TBC1D15: variants seen among roughly 807,000 people sequenced by gnomAD.
TBC1D15 encodes the protein GAP for RAB7.
Under a neutral mutation model 95.4 loss-of-function variants are expected in TBC1D15, and 39 were observed. The observed-to-expected ratio is 0.41, with a 90% CI of 0.32 to 0.53. The LOEUF (loss-of-function observed/expected upper bound fraction) is 0.53. TBC1D15 is among the 20% of genes least tolerant of loss of function. The pLI is 0.29. For missense variants in TBC1D15, 733 were observed against 794.3 expected, an observed-to-expected ratio of 0.92 and a Z score of 0.93; for synonymous variants, 258 against 261.3, an observed-to-expected ratio of 0.99 and a Z score of 0.12.
At chr12:71,864,072 T>C (rs1017764222) in intron 1 of TBC1D15, among the ~76,000 whole-genome samples, 8 of 152,142 alleles carry the variant, frequency 5.3e-5, no homozygotes, top group African/African-American at 1.7e-4. Context: ...TCCTATTTTC[T>C]TGCTTTTTTT....
In TBC1D15 at chr12:71,920,851, GTTA is replaced by G. The variant is rs1189522774; in HGVS notation, c.1716+7_1716+9del. 1 of 1,591,548 alleles carries G rather than the reference GTTA, an allele frequency of 6.3e-7. No homozygotes were observed. The highest frequency in any genetic ancestry group is 1.4e-5 in the African/African-American group (1 of 74,064). On this transcript the variant is annotated splice_donor_5th_base_variant and intron_variant, in intron 15 of 16. Transcript: ENST00000485960. Reference sequence around the variant, plus strand: ...TGGCTTCAATGAAATACTTAAGGTAGTTATTCCTTTAATTCAGATTTTAGTGTT... The same window carrying G: ...TGGCTTCAATGAAATACTTAAGGTAGTTCCTTTAATTCAGATTTTAGTGTT...
intron 1 of TBC1D15, among the ~76,000 whole-genome samples, chr12:71,852,604 A>G (rs1301627524): frequency 6.6e-6 from 1 of 152,238 alleles, no homozygotes; most frequent in Admixed American, 6.5e-5. Flanking sequence ...TGTTAGAAAC[A>G]GCCAGGCCAC....
chr12:71,862,533 A>C (rs1890607491), intron 1 of TBC1D15, among the ~76,000 whole-genome samples: 1 of 152,200 alleles, frequency 6.6e-6, no homozygotes, highest in Admixed American at 6.5e-5. Flanking sequence ...AGGTGTCTTT[A>C]CAGATGAAGT....
intron 1 of TBC1D15, among the ~76,000 whole-genome samples, chr12:71,846,298 GAATA>G (rs1168141985): frequency 6.7e-6 from 1 of 150,032 alleles, no homozygotes; most frequent in Admixed American, 6.6e-5. Flanking sequence ...AAATATTTAA[GAATA>G]AATAAGAGCC....
intron 1 of TBC1D15, among the ~76,000 whole-genome samples, chr12:71,859,384 C>G (rs1386696821): frequency 6.6e-6 from 1 of 152,000 alleles, no homozygotes; most frequent in African/African-American, 2.4e-5. Flanking sequence ...TATTTTCTCC[C>G]ATTCTATAGG....
chr12:71,854,631 T>C (rs773647829), intron 1 of TBC1D15: 4 of 456,728 alleles, frequency 8.8e-6, no homozygotes, highest in Non-Finnish European at 1.8e-5. Flanking sequence ...TGCCAGTAGA[T>C]GTTTGGATAG....
At chr12:71,871,069 A>C (rs1892568819) in intron 1 of TBC1D15, among the ~76,000 whole-genome samples, 1 of 152,198 alleles carries the variant, frequency 6.6e-6, no homozygotes, top group Non-Finnish European at 1.5e-5. Context: ...ATAATTAAAA[A>C]AATTTTTAAA....
intron 14 of TBC1D15, 109 bp downstream of exon 14, chr12:71,918,657 G>A: frequency 1.5e-6 from 1 of 680,598 alleles, no homozygotes; most frequent in Non-Finnish European, 2.3e-6. Flanking sequence ...TCTAAGGCAA[G>A]TATGTTCCAA....
intron 6 of TBC1D15, chr12:71,894,296 AC>A (rs1566027643): frequency 6.2e-7 from 1 of 1,608,240 alleles, no homozygotes; most frequent in South Asian, 1.1e-5. Context: ...GGTGGTACAC[AC>A]TTCAAGAAAT....
chr12:71,853,143 T>A (rs1370995431), intron 1 of TBC1D15, among the ~76,000 whole-genome samples: 1 of 152,144 alleles, frequency 6.6e-6, no homozygotes, highest in Admixed American at 6.5e-5. Context: ...TAGGGAGGAC[T>A]CAGGAAACTT....
chr12:71,903,753 A>G (rs1229401632), intron 10 of TBC1D15, among the ~76,000 whole-genome samples: 1 of 152,248 alleles, frequency 6.6e-6, no homozygotes, highest in Admixed American at 6.5e-5. Flanking sequence ...AAGTGAATTA[A>G]TGCAGAAAAC....
intron 11 of TBC1D15, among the ~76,000 whole-genome samples, chr12:71,909,750 C>T (rs931912732): frequency 2.6e-5 from 4 of 152,202 alleles, no homozygotes; most frequent in South Asian, 2.1e-4. Context: ...ACTGCCTACA[C>T]TGAAACAAAT....
chr12:71,872,840 C>A (rs953360173), intron 2 of TBC1D15, 89 bp from the exon 3 acceptor site: 3 of 872,400 alleles, frequency 3.4e-6, no homozygotes, highest in Admixed American at 2.6e-5. Context: ...ATTTAAGAGG[C>A]TGAAATTTTA....
chr12:71,868,505 C>A (rs1891978905), intron 1 of TBC1D15, among the ~76,000 whole-genome samples: 1 of 152,146 alleles, frequency 6.6e-6, no homozygotes, highest in Non-Finnish European at 1.5e-5. Context: ...CTCGGCCTCC[C>A]AAAGTGCTGG....
intron 5 of TBC1D15, 140 bp downstream of exon 5, chr12:71,885,161 G>T: frequency 1.4e-6 from 1 of 702,800 alleles, no homozygotes; most frequent in Non-Finnish European, 2.4e-6. Flanking sequence ...CTGGGATATT[G>T]ATTTCTTTGG....
Position 71,907,014 on chromosome 12 carries a change from C to A in TBC1D15, c.1184-8C>A, listed in dbSNP as rs946519254. The A allele has an allele frequency of 1.3e-6, 2 of 1,555,716 alleles. No homozygotes were observed. The highest frequency in any genetic ancestry group is 1.2e-5 in the South Asian group (1 of 83,624). On this transcript the variant is annotated splice_region_variant and splice_polypyrimidine_tract_variant and intron_variant, in intron 10 of 16. Coordinates refer to ENST00000485960, the MANE Select transcript of TBC1D15 (RefSeq NM_001146213.3). ...GCTTTTCAAATATGTGATGATTTTC[C>A]TCTTCAGAAAAAGATGTTAACAGAA...
intron 12 of TBC1D15, 48 bp from the exon 13 acceptor site, chr12:71,917,649 TA>T (rs762497031): frequency 4.9e-6 from 6 of 1,233,378 alleles, no homozygotes; most frequent in Non-Finnish European, 7.0e-6. Flanking sequence ...CATTATGTAC[TA>T]TAAAATATTT....
chr12:71,913,669 C>G, intron 11 of TBC1D15, 157 bp from the exon 12 acceptor site: 1 of 552,172 alleles, frequency 1.8e-6, no homozygotes, highest in Non-Finnish European at 3.1e-6. Context: ...TCCTCCTCTT[C>G]ATTTATATTC....
intron 1 of TBC1D15, among the ~76,000 whole-genome samples, chr12:71,866,738 A>G (rs1891584352): frequency 6.6e-6 from 1 of 152,166 alleles, no homozygotes; most frequent in Non-Finnish European, 1.5e-5. Flanking sequence ...GGCATGAGCC[A>G]CTGTGCCTGG....
Sources: gnomAD v4.1 joint callset for allele counts (sites outside exome capture counted in the v4.1 genomes callset) on GRCh38, gnomAD v4.1.1 for gene constraint, MANE v1.5 for transcripts, NCBI Gene and HGNC (gene_info 2026-07-23, HGNC 2026-07-21) for gene names.